ZBTB16: variants seen among roughly 807,000 people sequenced by gnomAD.
ZBTB16 encodes the protein zinc finger and BTB domain containing 16.
Under a neutral mutation model 56.8 loss-of-function variants are expected in ZBTB16, and 8 were observed. That is an observed-to-expected ratio of 0.14 (90% confidence interval 0.08 to 0.25). The LOEUF (loss-of-function observed/expected upper bound fraction) is 0.25. Among genes scored for constraint, ZBTB16 ranks in the 10% least tolerant of loss-of-function variants. The pLI, the probability that ZBTB16 is intolerant of heterozygous loss-of-function variation, is 1.00. For synonymous variants in ZBTB16, 363 were observed against 368.5 expected, an observed-to-expected ratio of 0.98 and a Z score of 0.17; for missense variants, 625 against 903.0, an observed-to-expected ratio of 0.69 and a Z score of 3.95.
intron 2 of ZBTB16, among the ~76,000 whole-genome samples, chr11:114,133,953 G>A (rs1941734609): frequency 6.6e-6 from 1 of 152,202 alleles, no homozygotes; most frequent in African/African-American, 2.4e-5. Flanking sequence ...CCATGGAGGT[G>A]GGCTCAGTGG....
At chr11:114,194,451 G>A (rs776761059) in intron 4 of ZBTB16, among the ~76,000 whole-genome samples, 3 of 152,156 alleles carry the variant, frequency 2.0e-5, no homozygotes, top group Non-Finnish European at 2.9e-5. Flanking sequence ...GGTGTTCTAG[G>A]AGGCCACGCT....
chr11:114,204,154 CT>C (rs745498133), intron 4 of ZBTB16, among the ~76,000 whole-genome samples: 275 of 143,746 alleles, frequency 1.9e-3, no homozygotes, highest in South Asian at 3.4e-3. Flanking sequence ...GTCCCACTAT[CT>C]TTTTTTTTTT....
At chr11:114,112,793 G>A (rs1380935695) in intron 2 of ZBTB16, among the ~76,000 whole-genome samples, 1 of 137,774 alleles carries the variant, frequency 7.3e-6, no homozygotes, top group Non-Finnish European at 1.5e-5. Context: ...ACAGGGTCTC[G>A]CACTATCACC....
intron 2 of ZBTB16, among the ~76,000 whole-genome samples, chr11:114,149,898 G>A (rs1565652816): frequency 6.6e-6 from 1 of 152,176 alleles, no homozygotes; most frequent in Non-Finnish European, 1.5e-5. Context: ...GATTTTAGTG[G>A]TTAGGTATCC....
At chr11:114,181,300 G>A (rs587017) in intron 3 of ZBTB16, among the ~76,000 whole-genome samples, 27,494 of 152,102 alleles carry the variant, frequency 0.18, 2,880 homozygotes, top group African/African-American at 0.3. Flanking sequence ...CCACCTTGTC[G>A]CAACTCTCCA....
chr11:114,213,790 A>T (rs1944041179), intron 4 of ZBTB16, among the ~76,000 whole-genome samples: 1 of 152,140 alleles, frequency 6.6e-6, no homozygotes, highest in African/African-American at 2.4e-5. Flanking sequence ...TGAGACAGGG[A>T]TTGTTGTTAT....
intron 2 of ZBTB16, among the ~76,000 whole-genome samples, chr11:114,067,777 C>G (rs1183980954): frequency 6.6e-6 from 1 of 152,028 alleles, no homozygotes; most frequent in Admixed American, 6.6e-5. Context: ...AGGGGCAGTG[C>G]CTTTGATGGG....
At chr11:114,247,505 A>G in intron 6 of ZBTB16, 140 bp downstream of exon 6, 1 of 1,253,866 alleles carries the variant, frequency 8.0e-7, no homozygotes, top group Non-Finnish European at 1.1e-6. Context: ...AAGAGCTGGT[A>G]TGGTGGCCTG....
At chr11:114,068,508 C>T (rs1189999794) in intron 2 of ZBTB16, among the ~76,000 whole-genome samples, 2 of 152,186 alleles carry the variant, frequency 1.3e-5, no homozygotes, top group East Asian at 3.9e-4. Flanking sequence ...GATGCAGTGT[C>T]AAGTGTAGTC....
At chr11:114,246,300 A>G (rs371998908) in intron 5 of ZBTB16, among the ~76,000 whole-genome samples, 2 of 152,210 alleles carry the variant, frequency 1.3e-5, no homozygotes, top group Non-Finnish European at 2.9e-5. Flanking sequence ...TGACAAGTAT[A>G]TGGTACCCTG....
intron 3 of ZBTB16, among the ~76,000 whole-genome samples, chr11:114,164,378 A>G (rs145132309): frequency 0.011 from 1,676 of 152,302 alleles, 25 homozygotes; most frequent in African/African-American, 0.036. Context: ...CGGTCTTATT[A>G]GGAAATGAAT....
intron 4 of ZBTB16, among the ~76,000 whole-genome samples, chr11:114,197,399 A>G (rs1209205303): frequency 6.6e-6 from 1 of 152,056 alleles, no homozygotes; most frequent in Admixed American, 6.5e-5. Flanking sequence ...TTCAGTGTGA[A>G]GGAGTCTAGG....
At chr11:114,190,148 G>C (rs539218271) in intron 4 of ZBTB16, among the ~76,000 whole-genome samples, 1 of 152,184 alleles carries the variant, frequency 6.6e-6, no homozygotes, top group African/African-American at 2.4e-5. Context: ...GGTGCCAGGG[G>C]CTGGGGAAGT....
chr11:114,063,980 C>G lies in ZBTB16; in HGVS notation c.680C>G (p.Pro227Arg). The G allele has an allele frequency of 2.5e-6, 4 of 1,613,532 alleles. No homozygotes were observed. Among genetic ancestry groups the G allele is most frequent in the Non-Finnish European group, 3.4e-6 (4 of 1,179,814 alleles). The change falls in exon 2 of 7, where the codon CCA (proline) becomes CGA (arginine). Residue 227 changes from proline (P) to arginine (R), a missense_variant. Around this residue, in one of 6 missense-constraint regions of ZBTB16, gnomAD observed 384 missense variants for 393.5 expected, o/e 0.98. Transcript: ENST00000335953. This position sits in a 1 kb window ranked among gnomAD's most constrained non-coding sequence, Gnocchi z 6.5. ...TLQPPAGPEE[P>R]TLAGGGRHPG... ...CAGCCACCTGCAGGGCCCGAGGAGC[C>G]AACTCTGGCTGGGGGTGGGCGGCAC...
chr11:114,200,421 G>A (rs913027274), intron 4 of ZBTB16, among the ~76,000 whole-genome samples: 13 of 152,170 alleles, frequency 8.5e-5, no homozygotes, highest in African/African-American at 3.1e-4. Context: ...TGATCTTTGA[G>A]GACTATTATT....
intron 4 of ZBTB16, among the ~76,000 whole-genome samples, chr11:114,235,673 T>TCTTTCTTC (rs1944558114): frequency 4.3e-5 from 1 of 23,182 alleles, no homozygotes; most frequent in African/African-American, 1.1e-4. Flanking sequence ...TTTCTTTCTT[T>TCTTTCTTC]CTTTCTTTCT....
chr11:114,119,091 C>A (rs961123932), intron 2 of ZBTB16, among the ~76,000 whole-genome samples: 1 of 151,744 alleles, frequency 6.6e-6, no homozygotes, highest in African/African-American at 2.4e-5. Context: ...ATGGTGAAAC[C>A]ATGTCTCTAC....
In ZBTB16 at chr11:114,179,355, G is replaced by A. The variant is rs925127732; in HGVS notation, c.1367-7597G>A. Among the ~76,000 whole-genome samples, 7 of 152,060 alleles carry A rather than the reference G, an allele frequency of 4.6e-5. No individual in the cohort carries two copies. The South Asian group carries it at 8.3e-4, about 18-fold the overall frequency. On this transcript the variant is annotated intron_variant, in intron 3 of 6. Coordinates refer to ENST00000335953, the MANE Select transcript of ZBTB16 (RefSeq NM_006006.6). Reference sequence around the variant, plus strand: ...CTCCTTGAGGGAAAGAACACACAGTGCCGGCCTTTGGAATTGGCAGCCAGT... The same window carrying A: ...CTCCTTGAGGGAAAGAACACACAGTACCGGCCTTTGGAATTGGCAGCCAGT...
chr11:114,121,466 G>A (rs1367435487), intron 2 of ZBTB16, among the ~76,000 whole-genome samples: 1 of 152,128 alleles, frequency 6.6e-6, no homozygotes, highest in Non-Finnish European at 1.5e-5. Context: ...TGGCTGTGTC[G>A]TCTTTCTTAT....
Sources: gnomAD v4.1 joint callset for allele counts (sites outside exome capture counted in the v4.1 genomes callset) on GRCh38, gnomAD v4.1.1 for gene constraint, gnomAD v4.1.1 regional missense constraint, Gnocchi (gnomAD v3.1) non-coding constraint, MANE v1.5 for transcripts, NCBI Gene and HGNC (gene_info 2026-07-23, HGNC 2026-07-21) for gene names.